Variants in CELF2 observed in about 807,000 individuals in gnomAD.
CELF2 encodes the protein CUGBP Elav-like family member 2.
Under a neutral mutation model 62.6 loss-of-function variants are expected in CELF2, and 8 were observed. The observed-to-expected ratio is 0.13, with a 90% confidence interval of 0.07 to 0.23. The LOEUF (loss-of-function observed/expected upper bound fraction) is 0.23. CELF2 is among the 10% of genes least tolerant of loss of function. CELF2 has a pLI of 1.00. For missense variants in CELF2, 333 were observed against 671.0 expected, an observed-to-expected ratio of 0.50 and a Z score of 5.56; for synonymous variants, 258 against 250.0, an observed-to-expected ratio of 1.03 and a Z score of -0.30.
chr10:10,495,856 A>G, the CELF2 span, among the ~76,000 whole-genome samples: 1 of 152,150 alleles, frequency 6.6e-6, no homozygotes, highest in Non-Finnish European at 1.5e-5. Context: ...TTTTCACCCT[A>G]TATCCACCTG....
chr10:10,679,075 A>G, the CELF2 span, among the ~76,000 whole-genome samples: 8 of 152,166 alleles, frequency 5.3e-5, no homozygotes, highest in African/African-American at 1.9e-4. Flanking sequence ...AGTTTTGTTT[A>G]TCTCCACCCC....
rs537707523 is a variant in CELF2, at chr10:10,956,164, A to T, written c.89+36165A>T. 3.3e-5 allele frequency among the ~76,000 whole-genome samples: 5 copies of T among 152,236 alleles called. No homozygotes were observed. In the East Asian group the frequency reaches 9.6e-4, roughly 29 times the overall value. ...TTCTTCTGTTTCTCCTCTAAGTTTG[A>T]TGGGGAGCTTACTGAATGTCGATAC... On this transcript the variant is annotated intron_variant, in intron 2 of 13. Coordinates refer to the CELF2 transcript ENST00000636488.
At position 11,046,051 on chromosome 10, in the gene CELF2, A is replaced by G. The variant is rs1271419600; in HGVS notation, c.74+27888A>G. Among the ~76,000 whole-genome samples the G allele has an allele frequency of 6.6e-6, 1 of 152,248 alleles. No individual in the cohort carries two copies. Among genetic ancestry groups the G allele is most frequent in the Non-Finnish European group, 1.5e-5 (1 of 68,052 alleles). ...TGTTTTTAAAGGCAACGACTCGCTC[A>G]TGAAGAGTTTGAACATACAGGGAGA... On this transcript the variant is annotated intron_variant, in intron 1 of 12. Transcript: ENST00000633077. This position sits in a 1 kb window ranked among gnomAD's most constrained non-coding sequence, Gnocchi z 4.6.
At chr10:10,909,180 G>A (rs867656982) in intron 1 of CELF2, among the ~76,000 whole-genome samples, 8 of 152,282 alleles carry the variant, frequency 5.3e-5, no homozygotes, top group African/African-American at 1.9e-4. Flanking sequence ...CCAGGGAGAG[G>A]GAGGTCCTCT....
chr10:10,725,866 G>T, the CELF2 span, among the ~76,000 whole-genome samples: 1 of 150,684 alleles, frequency 6.6e-6, no homozygotes, highest in South Asian at 2.1e-4. Flanking sequence ...ACCGATAGCT[G>T]GTTTTAGTTT....
chr10:10,646,544 G>A, the CELF2 span, among the ~76,000 whole-genome samples: 1 of 152,158 alleles, frequency 6.6e-6, no homozygotes, highest in South Asian at 2.1e-4. Context: ...TGTTAAATAT[G>A]ATGGCAGTCA....
intron 1 of CELF2, among the ~76,000 whole-genome samples, chr10:11,158,602 C>T (rs887094313): frequency 6.6e-6 from 1 of 152,106 alleles, no homozygotes; most frequent in Non-Finnish European, 1.5e-5. Flanking sequence ...TCAGGTACCC[C>T]CTAGATGTCT....
At chr10:11,326,181 A>G (rs1228579672) in intron 12 of CELF2, among the ~76,000 whole-genome samples, 3 of 152,220 alleles carry the variant, frequency 2.0e-5, no homozygotes, top group Non-Finnish European at 2.9e-5. Flanking sequence ...ACATTAGGTA[A>G]TCTTCTATAC....
At chr10:11,083,652 A>G (rs1038646149) in intron 1 of CELF2, among the ~76,000 whole-genome samples, 5 of 152,042 alleles carry the variant, frequency 3.3e-5, no homozygotes, top group African/African-American at 1.2e-4. Context: ...TGGGTGATGC[A>G]TGTAGTTACT....
At chr10:10,847,900 G>A (rs1591127929) in intron 1 of CELF2, among the ~76,000 whole-genome samples, 1 of 152,166 alleles carries the variant, frequency 6.6e-6, no homozygotes, top group East Asian at 1.9e-4. Flanking sequence ...AAAAATGACT[G>A]TATTTAAATG....
At chr10:10,862,291 A>T (rs1040879908) in intron 1 of CELF2, among the ~76,000 whole-genome samples, 7 of 152,144 alleles carry the variant, frequency 4.6e-5, no homozygotes, top group South Asian at 2.1e-4. Context: ...GGCAGTAGTC[A>T]CTTAGGGTCT....
chr10:11,026,346 T>G (rs2059201408), intron 1 of CELF2, among the ~76,000 whole-genome samples: 1 of 152,184 alleles, frequency 6.6e-6, no homozygotes, highest in South Asian at 2.1e-4. Flanking sequence ...GTGGGTAAAT[T>G]GGTTTAAACC....
the CELF2 span, among the ~76,000 whole-genome samples, chr10:10,496,517 T>C: frequency 1.5e-4 from 23 of 152,236 alleles, no homozygotes; most frequent in African/African-American, 5.3e-4. Context: ...ATACAATAGG[T>C]GCTTGACAGA....
chr10:10,553,737 G>A, the CELF2 span, among the ~76,000 whole-genome samples: 16 of 152,086 alleles, frequency 1.1e-4, no homozygotes, highest in African/African-American at 3.1e-4. Flanking sequence ...GAGGATTTGC[G>A]GCAGAGAACA....
the CELF2 span, among the ~76,000 whole-genome samples, chr10:10,465,346 A>T: frequency 1.3e-5 from 2 of 152,116 alleles, no homozygotes; most frequent in Admixed American, 6.6e-5. Flanking sequence ...AGAAAATGTA[A>T]TTTGATTAAT....
In CELF2 at chr10:11,247,264, G is replaced by T. The variant is rs2075872928; in HGVS notation, c.355-1889G>T. ...GCTTGCAAGACCCTCTGAGAGCTGGGTGTTGCCCACCTTCACCGCCCCTTC... is the reference window on the plus strand; with the variant it reads ...GCTTGCAAGACCCTCTGAGAGCTGGTTGTTGCCCACCTTCACCGCCCCTTC... On this transcript the variant is annotated intron_variant, in intron 3 of 12. Transcript: ENST00000633077. This position sits in a 1 kb window ranked among gnomAD's most constrained non-coding sequence, Gnocchi z 5.4. Among the ~76,000 whole-genome samples, 1 of 152,206 alleles carries T rather than the reference G, an allele frequency of 6.6e-6. No individual in the cohort carries two copies. Among genetic ancestry groups the T allele is most frequent in the African/African-American group, 2.4e-5 (1 of 41,442 alleles).
intron 1 of CELF2, among the ~76,000 whole-genome samples, chr10:10,884,727 T>C (rs1014905539): frequency 2.0e-5 from 3 of 152,242 alleles, no homozygotes; most frequent in African/African-American, 7.2e-5. Flanking sequence ...CATACTGTTT[T>C]CCTGAACTTG....
the CELF2 span, among the ~76,000 whole-genome samples, chr10:10,746,741 A>G: frequency 7.9e-5 from 12 of 152,224 alleles, no homozygotes; most frequent in Admixed American, 2.6e-4. Flanking sequence ...CTTAGTAAGT[A>G]TTAATATAAT....
At chr10:10,489,141 C>A in the CELF2 span, among the ~76,000 whole-genome samples, 1 of 152,024 alleles carries the variant, frequency 6.6e-6, no homozygotes, top group Non-Finnish European at 1.5e-5. Context: ...ATTTTCACAC[C>A]AACTTCTTCA....
Sources: gnomAD v4.1 joint callset for allele counts (sites outside exome capture counted in the v4.1 genomes callset) on GRCh38, gnomAD v4.1.1 for gene constraint, Gnocchi (gnomAD v3.1) non-coding constraint, MANE v1.5 for transcripts, NCBI Gene and HGNC (gene_info 2026-07-23, HGNC 2026-07-21) for gene names.